Variants in COX15 observed in about 807,000 individuals in gnomAD.
COX15 encodes cytochrome c oxidase assembly factor COX15, also known as heme A synthase COX15.
A neutral mutation model predicts 51.9 loss-of-function variants in COX15; 51 were observed. The observed-to-expected ratio is 0.98, with a 90% CI of 0.78 to 1.24. COX15 has a LOEUF of 1.24. COX15 is among the 50% of genes most tolerant of loss of function. COX15 has a pLI of 0.00. For missense variants in COX15, 420 were observed against 501.1 expected (o/e 0.84, Z 1.55); for synonymous variants, 188 against 190.5 (o/e 0.99, Z 0.11).
downstream of COX15, among the ~76,000 whole-genome samples, chr10:99,708,356 T>A (rs2036291828): frequency 6.6e-6 from 1 of 152,218 alleles, no homozygotes; most frequent in South Asian, 2.1e-4. Context: ...CACAGTTTTA[T>A]GTTTTGTTTT....
At chr10:99,707,100 G>A (rs1485297917), downstream of COX15, among the ~76,000 whole-genome samples, 1 of 152,174 alleles carries the variant, frequency 6.6e-6, no homozygotes, top group East Asian at 1.9e-4. Flanking sequence ...TTATAGTTGA[G>A]AATCTCAGGA....
the COX15 span, among the ~76,000 whole-genome samples, chr10:99,694,921 C>G: frequency 3.9e-5 from 6 of 152,026 alleles, no homozygotes; most frequent in Admixed American, 6.6e-5. Flanking sequence ...GAAATACATT[C>G]AAAACAAGAA....
Position 99,713,098 on chromosome 10 carries a change from G to T in COX15, c.*1489C>A. On this transcript the variant is annotated 3_prime_UTR_variant, in exon 9 of 9. Transcript: ENST00000016171. ...CCAGAGTGAAATGCAGTATGTTAGGGGTATTTTGACTATGGCTGTGACACT... is the reference window on the plus strand; with the variant it reads ...CCAGAGTGAAATGCAGTATGTTAGGTGTATTTTGACTATGGCTGTGACACT... 5 of 1,233,670 alleles carry T rather than the reference G, an allele frequency of 4.1e-6. No individual in the cohort carries two copies. The highest frequency in any genetic ancestry group is 5.1e-6 in the Non-Finnish European group (5 of 976,154). 76.4% of individuals were successfully genotyped at this position (1,233,670 alleles called of 1,614,324 possible). A position where few individuals can be genotyped will look rare whatever the true frequency, so the allele number is the denominator to read the frequency against.
downstream of COX15, chr10:99,709,653 G>A: frequency 1.0e-6 from 1 of 985,404 alleles, no homozygotes; most frequent in Non-Finnish European, 1.2e-6. Context: ...TTGGAAAGCT[G>A]TGGCACCCTG....
In COX15 at chr10:99,712,711, T is replaced by C. The variant is rs115287270; in HGVS notation, c.*1876A>G. On this transcript the variant is annotated 3_prime_UTR_variant, in exon 9 of 9. Transcript: ENST00000016171. ...AGCAACAGACCAGAACTCAGCAGTA[T>C]AGTCCGAGCTGGGGCACCTGCTCGC... 3.6e-3 allele frequency: 2,556 copies of C among 711,174 alleles called. 63 individuals carry two copies. The African/African-American group carries it at 0.046, about 13-fold the overall frequency. The allele number at this position is 711,174 out of a possible 1,614,324, so 44.1% of individuals were successfully genotyped here.
chr10:99,729,533 A>G lies in COX15; in HGVS notation c.272+20T>C. 1 of 1,610,040 alleles carries G rather than the reference A, an allele frequency of 6.2e-7. No homozygotes were observed. Among genetic ancestry groups the G allele is most frequent in the Non-Finnish European group, 8.5e-7 (1 of 1,179,372 alleles). On this transcript the variant is annotated intron_variant, in intron 2 of 8. Coordinates refer to ENST00000016171, the MANE Select transcript of COX15 (RefSeq NM_078470.6). ...TACTGATGATCCAAATACCTGACTCACTACGAGCAAATTACTTACCTAGTT... is the reference window on the plus strand; with the variant it reads ...TACTGATGATCCAAATACCTGACTCGCTACGAGCAAATTACTTACCTAGTT...
At chr10:99,709,702 A>T, downstream of COX15, 1 of 985,410 alleles carries the variant, frequency 1.0e-6, no homozygotes, top group Non-Finnish European at 1.2e-6. Flanking sequence ...GTTTCTGCAG[A>T]TGGCTTGTTC....
At position 99,723,935 on chromosome 10, in the gene COX15, A is replaced by G. The variant is rs1249800104; in HGVS notation, c.750+21T>C. 5 of 1,613,002 alleles carry G rather than the reference A, an allele frequency of 3.1e-6. No homozygotes were observed. In the African/African-American group the frequency reaches 5.3e-5, roughly 17 times the overall value. On this transcript the variant is annotated intron_variant, in intron 5 of 8. Transcript: ENST00000016171. ...ACCAAAAGCGGGGTCTTGAACACAG[A>G]TATTTGCACACAACTCTTACCTTGT...
chr10:99,715,307 T>C (rs1368037186), intron 8 of COX15, among the ~76,000 whole-genome samples: 1 of 152,002 alleles, frequency 6.6e-6, no homozygotes, highest in Non-Finnish European at 1.5e-5. Context: ...CTGGCTAATT[T>C]TTGTATTTTT....
rs577362342 is a variant in COX15, at chr10:99,731,970, G to C, written c.80C>G (p.Pro27Arg). 6.2e-7 allele frequency: 1 copy of C among 1,611,126 alleles called. No homozygotes were observed. Among genetic ancestry groups the C allele is most frequent in the East Asian group, 2.2e-5 (1 of 44,814 alleles). The change falls in exon 1 of 9, where the codon CCT (proline) becomes CGT (arginine). Residue 27 changes from proline (P) to arginine (R), a missense_variant. Pro to Arg is a moderately radical substitution (Grantham distance 103). Coordinates refer to ENST00000016171, the MANE Select transcript of COX15 (RefSeq NM_078470.6). ...GCTGCAGTGCGGTACCTGTGCTCTA[G>C]GCGCTGCCCTAGGAGCCAGGAGCGG... is the stretch of plus-strand genomic sequence containing the variant. ...YLPLLAPRAA[P>R]RAQCDCIRRP...
intron 6 of COX15, among the ~76,000 whole-genome samples, chr10:99,719,201 T>C (rs1484109319): frequency 1.3e-5 from 2 of 152,168 alleles, no homozygotes; most frequent in Non-Finnish European, 1.5e-5. Context: ...CCAGAAATGT[T>C]TGGGTCACAC....
Position 99,723,968 on chromosome 10 carries a change from G to A in COX15, c.738C>T (p.Leu246=), listed in dbSNP as rs572833889. ...ASLWTSLSLL[L]PPHKLPETHQ... The stretch of plus-strand genomic sequence containing the variant: ...ACACAACTCTTACCTTGTGCGGAGG[G>A]AGTAGCAGTGACAGTGAGGTCCACA... The change falls in exon 5 of 9, where the codon CTC becomes CTT. Residue 246 remains leucine, a synonymous_variant. Transcript: ENST00000016171. The A allele has an allele frequency of 1.7e-5, 27 of 1,613,890 alleles. No homozygotes were observed. Among genetic ancestry groups the A allele is most frequent in the Non-Finnish European group, 2.3e-5 (27 of 1,180,022 alleles).
chr10:99,732,045 T>C lies in COX15; in HGVS notation c.5A>G (p.Gln2Arg), dbSNP rs758489454. 3 of 1,612,572 alleles carry C rather than the reference T, an allele frequency of 1.9e-6. No homozygotes were observed. Among genetic ancestry groups the C allele is most frequent in the Middle Eastern group, 1.6e-4 (1 of 6,062 alleles). The change falls in exon 1 of 9, where the codon CAG becomes CGG. Residue 2 changes from glutamine (Q) to arginine (R), a missense_variant. Transcript: ENST00000016171. ...CCTCAACGGCGGAAAGAGCAATCGCTGCATACTGATGACAGGGAACAGCCA... is the reference window on the plus strand; with the variant it reads ...CCTCAACGGCGGAAAGAGCAATCGCCGCATACTGATGACAGGGAACAGCCA... M[Q>R]RLLFPPLRAL...
Position 99,720,976 on chromosome 10 carries a change from C to G in COX15, c.832+11G>C, listed in dbSNP as rs1160928116. ...ATGCAAACAGGTCATCTTTGATGAG[C>G]TGAGTCCTACCTGAGAGGGCCGTAA... On this transcript the variant is annotated intron_variant, in intron 6 of 8. Coordinates refer to ENST00000016171, the MANE Select transcript of COX15 (RefSeq NM_078470.6). 2 of 1,611,868 alleles carry G rather than the reference C, an allele frequency of 1.2e-6. No homozygotes were observed. The highest frequency in any genetic ancestry group is 2.7e-5 in the African/African-American group (2 of 74,832).
the COX15 span, among the ~76,000 whole-genome samples, chr10:99,694,476 A>C: frequency 6.7e-6 from 1 of 150,322 alleles, no homozygotes; most frequent in African/African-American, 2.4e-5. Context: ...CTTTTTGGCT[A>C]TTATGCACAG....
chr10:99,721,361 G>A (rs1261264089), intron 5 of COX15, among the ~76,000 whole-genome samples: 2 of 152,152 alleles, frequency 1.3e-5, no homozygotes, highest in African/African-American at 2.4e-5. Flanking sequence ...TACTCATTAC[G>A]CATCTGTTCA....
chr10:99,701,408 C>T, the COX15 span, among the ~76,000 whole-genome samples: 1 of 151,814 alleles, frequency 6.6e-6, no homozygotes, highest in Admixed American at 6.6e-5. Flanking sequence ...CTGCCTCAGC[C>T]CCCCAAGTAG....
rs904177546 is a variant in COX15, at chr10:99,713,022, T to A, written c.*1565A>T. Reference sequence around the variant, plus strand: ...TTCTGGACTCATCATTCTGATCTCTTCTTCTGGATACACACTTAGTGGCCA... The same window carrying A: ...TTCTGGACTCATCATTCTGATCTCTACTTCTGGATACACACTTAGTGGCCA... On this transcript the variant is annotated 3_prime_UTR_variant, in exon 9 of 9. Coordinates refer to ENST00000016171, the MANE Select transcript of COX15 (RefSeq NM_078470.6). The A allele has an allele frequency of 1.1e-5, 12 of 1,138,986 alleles. No homozygotes were observed. The African/African-American group carries it at 1.8e-4, about 17-fold the overall frequency. 70.6% of individuals were successfully genotyped at this position (1,138,986 alleles called of 1,614,324 possible).
chr10:99,704,680 G>T, the COX15 span: 3 of 1,612,382 alleles, frequency 1.9e-6, no homozygotes, highest in Non-Finnish European at 2.5e-6. Context: ...AGGTGGGGCC[G>T]TGAGGCTGGA....
Sources: gnomAD v4.1 joint callset for allele counts (sites outside exome capture counted in the v4.1 genomes callset) on GRCh38, gnomAD v4.1.1 for gene constraint, MANE v1.5 for transcripts, NCBI Gene and HGNC (gene_info 2026-07-23, HGNC 2026-07-21) for gene names.